Variants in MYO18B observed in about 807,000 individuals in gnomAD.
MYO18B encodes myosin XVIIIB, also known as unconventional myosin-XVIIIb.
Under a neutral mutation model 273.0 loss-of-function variants are expected in MYO18B, and 204 were observed. That is an observed-to-expected ratio of 0.75 (90% confidence interval 0.67 to 0.84). The LOEUF is 0.84. Ranked by LOEUF, MYO18B falls within the 40% of genes least tolerant of loss-of-function variation. The probability of loss-of-function intolerance (pLI) is 0.00; values close to 1 mark genes in which losing one functional copy is unlikely to be tolerated. For synonymous variants in MYO18B, 1,330 were observed against 1,305.7 expected, an observed-to-expected ratio of 1.02 and a Z score of -0.40; for missense variants, 3,212 against 3,287.6, an observed-to-expected ratio of 0.98 and a Z score of 0.56.
intron 36 of MYO18B, 39 bp from the exon 37 acceptor site, chr22:25,950,328 C>T (rs1324426315): frequency 2.0e-6 from 3 of 1,508,036 alleles, no homozygotes; most frequent in Admixed American, 2.1e-5. Context: ...CTTGTGGACT[C>T]AGGGTGATAT....
At chr22:26,036,467 G>T in the MYO18B span, among the ~76,000 whole-genome samples, 3 of 152,074 alleles carry the variant, frequency 2.0e-5, no homozygotes, top group African/African-American at 7.2e-5. Flanking sequence ...TTCTATATGT[G>T]CAAGGAGAAA....
intron 22 of MYO18B, among the ~76,000 whole-genome samples, chr22:25,868,662 A>G (rs564963672): frequency 7.2e-5 from 11 of 152,344 alleles, no homozygotes; most frequent in African/African-American, 1.9e-4. Flanking sequence ...CTGGTCCTCA[A>G]GATGACCTTC....
intron 17 of MYO18B, among the ~76,000 whole-genome samples, chr22:25,841,122 G>A (rs1458093856): frequency 2.0e-5 from 3 of 152,114 alleles, no homozygotes; most frequent in Admixed American, 2.0e-4. Context: ...GGGCCAGCAG[G>A]GACTGGGATC....
intron 1 of MYO18B, among the ~76,000 whole-genome samples, chr22:25,749,602 C>A (rs752046291): frequency 1.3e-5 from 2 of 152,198 alleles, no homozygotes; most frequent in Non-Finnish European, 2.9e-5. Context: ...GTAGGGAGCA[C>A]AATGCCTAGT....
At chr22:25,842,863 T>TGCTGGGC (rs752689885) in intron 17 of MYO18B, among the ~76,000 whole-genome samples, 1 of 152,152 alleles carries the variant, frequency 6.6e-6, no homozygotes, top group Admixed American at 6.5e-5. Flanking sequence ...CCAAGCATGA[T>TGCTGGGC]GCTGGGCACT....
At position 25,768,951 on chromosome 22, in the gene MYO18B, A is replaced by G. The variant is rs1449973448; in HGVS notation, c.1035A>G (p.Ala345=). The G allele has an allele frequency of 6.2e-7, 1 of 1,611,918 alleles. No homozygotes were observed. Among genetic ancestry groups the G allele is most frequent in the Admixed American group, 1.7e-5 (1 of 59,664 alleles). ...AAGAAGGGGTGCTCTTAAGTAAGGCAGAGAAGACAGGTGAGCCTCAGACCC... is the reference window on the plus strand; with the variant it reads ...AAGAAGGGGTGCTCTTAAGTAAGGCGGAGAAGACAGGTGAGCCTCAGACCC... ...KDKEGVLLSK[A]EKTGEPQTQM... The change falls in exon 4 of 44, where the codon GCA becomes GCG. Residue 345 remains alanine, a synonymous_variant. Transcript: ENST00000335473.
chr22:25,751,162 T>G lies in MYO18B; in HGVS notation c.-110+8869T>G, dbSNP rs566151828. Among the ~76,000 whole-genome samples, 3 of 152,322 alleles carry G rather than the reference T, an allele frequency of 2.0e-5. No homozygotes were observed. The South Asian group carries it at 6.2e-4, about 32-fold the overall frequency. ...GTATTGAGTAATGCAGAAATCCTAG[T>G]GGTACCATTATCCATAGCCCTGATT... On this transcript the variant is annotated intron_variant, in intron 1 of 43. Transcript: ENST00000335473.
At chr22:25,784,742 G>A (rs2087307663) in intron 10 of MYO18B, among the ~76,000 whole-genome samples, 2 of 152,300 alleles carry the variant, frequency 1.3e-5, no homozygotes, top group Admixed American at 6.5e-5. Flanking sequence ...TGCCCACCCC[G>A]CCTTTGGCTT....
chr22:25,972,520 A>G (rs745735623), intron 39 of MYO18B, among the ~76,000 whole-genome samples: 26 of 152,228 alleles, frequency 1.7e-4, no homozygotes, highest in Non-Finnish European at 3.1e-4. Context: ...TCTCAGGCTC[A>G]GCCCCACACC....
At chr22:25,783,845 C>T (rs991786946) in intron 10 of MYO18B, among the ~76,000 whole-genome samples, 14 of 152,196 alleles carry the variant, frequency 9.2e-5, no homozygotes, top group Non-Finnish European at 1.9e-4. Context: ...GTGCTTGGAG[C>T]AACTCAGCCC....
At chr22:25,936,108 G>T (rs2092574832) in intron 34 of MYO18B, among the ~76,000 whole-genome samples, 1 of 152,244 alleles carries the variant, frequency 6.6e-6, no homozygotes, top group Non-Finnish European at 1.5e-5. Flanking sequence ...ACAAGACCTG[G>T]TGCTGTTTAG....
chr22:25,888,371 C>T (rs2091563850), intron 25 of MYO18B, among the ~76,000 whole-genome samples: 2 of 152,126 alleles, frequency 1.3e-5, no homozygotes, highest in Admixed American at 6.6e-5. Context: ...AAGTGATCCT[C>T]CTGCCTCAGC....
At position 25,883,917 on chromosome 22, in the gene MYO18B, G is replaced by T. The variant is rs79704700; in HGVS notation, c.4314+5869G>T. Among the ~76,000 whole-genome samples the T allele has an allele frequency of 8.7e-4, 132 of 152,238 alleles. No individual in the cohort carries two copies. The highest frequency in any genetic ancestry group is 1.4e-3 in the Non-Finnish European group (98 of 68,014). On this transcript the variant is annotated intron_variant, in intron 25 of 43. Coordinates refer to ENST00000335473, the MANE Select transcript of MYO18B (RefSeq NM_032608.7). The surrounding 1 kb of genome is among the most constrained non-coding windows in gnomAD (Gnocchi z 7.6). ...AAAATGTGCCTTGATGCAAACTGGG[G>T]TTTTTTTATTTTCATAAGAAGGCAG...
rs574533499 is a variant in MYO18B at position 25,919,969 on chromosome 22, GT to G, written c.5365-1280del. Among the ~76,000 whole-genome samples the G allele has an allele frequency of 1.6e-3, 241 of 152,034 alleles. 2 individuals are homozygous for G. The highest frequency in any genetic ancestry group is 3.0e-3 in the African/African-American group (124 of 41,464). On this transcript the variant is annotated intron_variant, in intron 33 of 43. Transcript: ENST00000335473. ...CTTATCTCAACACGAAGGATAGGGT[GT>G]TTTTTTTAACCTCTCTTTTTGTGGA...
Position 25,819,224 on chromosome 22 carries a change from C to T in MYO18B, c.2522-4281C>T, listed in dbSNP as rs187671102. Among the ~76,000 whole-genome samples, 3 of 152,344 alleles carry T rather than the reference C, an allele frequency of 2.0e-5. No homozygotes were observed. In the East Asian group the frequency reaches 5.8e-4, roughly 29 times the overall value. ...GCACCAGCAGCATGCATCTCAGCTG[C>T]ACCTGCAAATATCCCCCCTAGGTCA... On this transcript the variant is annotated intron_variant, in intron 12 of 43. Coordinates refer to ENST00000335473, the MANE Select transcript of MYO18B (RefSeq NM_032608.7).
chr22:26,061,437 T>G, the MYO18B span, among the ~76,000 whole-genome samples: 55 of 152,210 alleles, frequency 3.6e-4, no homozygotes, highest in African/African-American at 1.2e-3. Context: ...GAATACTGGG[T>G]GGCTGTGTTC....
rs749498524 is a variant in MYO18B at position 25,876,202 on chromosome 22, C to A, written c.4094C>A (p.Ala1365Asp). Reference sequence around the variant, plus strand: ...CCTTCCCTGCAGATTCGCCGACTGGCTGCACAGTGCATCCAGAAGAATGTG... The same window carrying A: ...CCTTCCCTGCAGATTCGCCGACTGGATGCACAGTGCATCCAGAAGAATGTG... Reference protein sequence around the residue: ...EFKKLKIRRLAAQCIQKNVAV... With the variant: ...EFKKLKIRRLDAQCIQKNVAV... The change falls in exon 24 of 44, where the codon GCT (alanine) becomes GAT (aspartate). Residue 1365 changes from alanine to aspartate, a missense_variant. Coordinates refer to ENST00000335473, the MANE Select transcript of MYO18B (RefSeq NM_032608.7). 1 of 1,612,472 alleles carries A rather than the reference C, an allele frequency of 6.2e-7. No homozygotes were observed. Among genetic ancestry groups the A allele is most frequent in the Non-Finnish European group, 8.5e-7 (1 of 1,179,268 alleles).
intron 12 of MYO18B, among the ~76,000 whole-genome samples, chr22:25,823,243 C>A (rs2089350453): frequency 6.6e-6 from 1 of 152,166 alleles, no homozygotes; most frequent in Non-Finnish European, 1.5e-5. Context: ...AGTTAGAGTG[C>A]TTCCCCATGA....
intron 21 of MYO18B, among the ~76,000 whole-genome samples, chr22:25,859,584 C>A (rs1000381933): frequency 6.6e-6 from 1 of 152,066 alleles, no homozygotes; most frequent in Non-Finnish European, 1.5e-5. Context: ...GTGTGCAAAG[C>A]GGCATCTCAT....
Sources: gnomAD v4.1 joint callset for allele counts (sites outside exome capture counted in the v4.1 genomes callset) on GRCh38, gnomAD v4.1.1 for gene constraint, Gnocchi (gnomAD v3.1) non-coding constraint, MANE v1.5 for transcripts, NCBI Gene and HGNC (gene_info 2026-07-23, HGNC 2026-07-21) for gene names.